Variants in CMYA5 observed in about 807,000 individuals in gnomAD.
The protein encoded by CMYA5 is cardiomyopathy associated 5, also known as cardiomyopathy-associated protein 5.
Under a neutral mutation model 318.9 loss-of-function variants are expected in CMYA5, and 246 were observed. The ratio of observed to expected loss-of-function variants is 0.77; its 90% CI spans 0.70 to 0.86. CMYA5 has a LOEUF of 0.86. Ranked by LOEUF, CMYA5 falls within the 40% of genes least tolerant of loss-of-function variation. The pLI is 0.00. For synonymous variants in CMYA5, 1,641 were observed against 1,729.5 expected, an observed-to-expected ratio of 0.95 and a Z score of 1.27; for missense variants, 4,589 against 4,678.2, an observed-to-expected ratio of 0.98 and a Z score of 0.56.
chr5:79,731,920 C>G lies in CMYA5; in HGVS notation c.3155C>G (p.Thr1052Arg). 1 of 1,613,040 alleles carries G rather than the reference C, an allele frequency of 6.2e-7. No homozygotes were observed. The highest frequency in any genetic ancestry group is 2.2e-5 in the East Asian group (1 of 44,862). The change falls in exon 2 of 13, where the codon ACA becomes AGA. Residue 1052 changes from threonine to arginine, a missense_variant. Physicochemically the swap from Thr to Arg is moderately conservative, Grantham distance 71 (BLOSUM62 -1). Around this residue, in one of 3 missense-constraint regions of CMYA5, gnomAD observed 2,132 missense variants for 2,131.3 expected, o/e 1.00. Transcript: ENST00000446378. ...GAAGACATTGGATCCACAGCTGCTA[C>G]ACCTGTATCTGAGCAGTTCAGTTCA... is the stretch of plus-strand genomic sequence containing the variant. The part of the protein sequence containing the change: ...DEEDIGSTAA[T>R]PVSEQFSSSQ...
At chr5:79,699,587 A>G (rs11948957) in intron 1 of CMYA5, among the ~76,000 whole-genome samples, 20,091 of 152,214 alleles carry the variant, frequency 0.13, 1,987 homozygotes, top group Admixed American at 0.26. Context: ...TGCCTAGAAG[A>G]GGAGAGGGCA....
At position 79,736,305 on chromosome 5, in the gene CMYA5, C is replaced by G; in HGVS notation, c.7540C>G (p.Pro2514Ala). ...GAAAGAATCAAAAGCCGATGCTATGCCACAGCACTTCTATCAAAATGAAGA... is the reference window on the plus strand; with the variant it reads ...GAAAGAATCAAAAGCCGATGCTATGGCACAGCACTTCTATCAAAATGAAGA... ...ELKESKADAM[P>A]QHFYQNEDYN... Residue 2514 changes from proline to alanine, a missense_variant, in exon 2 of 13, where the codon CCA becomes GCA. Transcript: ENST00000446378. The G allele has an allele frequency of 3.1e-6, 5 of 1,613,490 alleles. No homozygotes were observed. The highest frequency in any genetic ancestry group is 3.4e-6 in the Non-Finnish European group (4 of 1,179,714).
rs554318344 is a variant in CMYA5 at position 79,767,653 on chromosome 5, C to G, written c.11555+4444C>G. Among the ~76,000 whole-genome samples the G allele has an allele frequency of 3.3e-5, 5 of 152,298 alleles. No homozygotes were observed. The East Asian group carries it at 9.6e-4, about 29-fold the overall frequency. The stretch of plus-strand genomic sequence containing the variant: ...AATCCTGAGTTCTAATTTGAATGCA[C>G]TGTGGTCTGAGAGACTGTTTGTTAT... On this transcript the variant is annotated intron_variant, in intron 9 of 12. Transcript: ENST00000446378.
intron 5 of CMYA5, among the ~76,000 whole-genome samples, chr5:79,751,734 C>T (rs1312870020): frequency 6.6e-6 from 1 of 152,084 alleles, no homozygotes; most frequent in African/African-American, 2.4e-5. Context: ...TGCATATAAA[C>T]GGTATTCTGG....
chr5:79,768,028 A>G (rs259109), intron 9 of CMYA5, among the ~76,000 whole-genome samples: 35,582 of 151,898 alleles, frequency 0.23, 4,603 homozygotes, highest in African/African-American at 0.35. Flanking sequence ...TCTTCTTGTT[A>G]TGTTGATCCC....
chr5:79,745,028 C>A (rs545416183), intron 3 of CMYA5, among the ~76,000 whole-genome samples, 194 bp from the exon 4 acceptor site: 9 of 152,040 alleles, frequency 5.9e-5, no homozygotes, highest in East Asian at 1.9e-4. Context: ...ACAGTAAATT[C>A]TATTGCTTTA....
rs1308512174 is a variant in CMYA5, at chr5:79,732,495, C to G, written c.3730C>G (p.Pro1244Ala). The change falls in exon 2 of 13, where the codon CCT becomes GCT. Residue 1244 changes from proline (P) to alanine (A), a missense_variant. Pro to Ala is a conservative substitution (Grantham distance 27). Around this residue, in one of 3 missense-constraint regions of CMYA5, gnomAD observed 2,132 missense variants for 2,131.3 expected, o/e 1.00. Transcript: ENST00000446378. ...GTCTGAGATGAAATATTCAGTTTTG[C>G]CTGACATGGTAGATGAGCCAAAGAA... The part of the protein sequence containing the change: ...PESEMKYSVL[P>A]DMVDEPKKGV... The G allele has an allele frequency of 6.2e-7, 1 of 1,612,986 alleles. No homozygotes were observed. The highest frequency in any genetic ancestry group is 2.2e-5 in the East Asian group (1 of 44,850).
Position 79,689,973 on chromosome 5 carries a change from G to T in CMYA5, c.66G>T (p.Ala22=). 1 of 1,343,580 alleles carries T rather than the reference G, an allele frequency of 7.4e-7. No homozygotes were observed. Among genetic ancestry groups the T allele is most frequent in the Non-Finnish European group, 1.0e-6 (1 of 967,126 alleles). 83.2% of individuals were successfully genotyped at this position (1,343,580 alleles called of 1,614,324 possible). A position where few individuals can be genotyped will look rare whatever the true frequency, so the allele number is the denominator to read the frequency against. Residue 22 remains alanine, a synonymous_variant, in exon 1 of 13, where the codon GCG becomes GCT. Coordinates refer to ENST00000446378, the MANE Select transcript of CMYA5 (RefSeq NM_153610.5). ...SFLGSDGDEE[A]TRELETEEES... ...TCGGCTCCGACGGGGACGAGGAGGC[G>T]ACCCGGGAGCTGGAGACCGAGGAGG...
At chr5:79,726,473 C>G (rs1377341118) in intron 1 of CMYA5, among the ~76,000 whole-genome samples, 1 of 152,186 alleles carries the variant, frequency 6.6e-6, no homozygotes, top group East Asian at 1.9e-4. Context: ...GACCAAGATA[C>G]AGTATTAATT....
At chr5:79,777,075 T>C (rs1233322755) in intron 9 of CMYA5, among the ~76,000 whole-genome samples, 3 of 152,196 alleles carry the variant, frequency 2.0e-5, no homozygotes, top group Non-Finnish European at 4.4e-5. Flanking sequence ...AGAAGCTACT[T>C]TACAGGGTTC....
chr5:79,738,590 G>A lies in CMYA5; in HGVS notation c.9825G>A (p.Pro3275=), dbSNP rs1025088693. 1.1e-5 allele frequency: 17 copies of A among 1,613,578 alleles called. No homozygotes were observed. The highest frequency in any genetic ancestry group is 5.3e-5 in the African/African-American group (4 of 74,920). The stretch of plus-strand genomic sequence containing the variant: ...TTGGTAAGGATGATTCATACCAACC[G>A]ATAGCTGCAGAAGGGGAAATTTGGG... ...KRVGKDDSYQ[P]IAAEGEIWGK... The change falls in exon 2 of 13, where the codon CCG becomes CCA. Residue 3275 remains proline, a synonymous_variant. Coordinates refer to ENST00000446378, the MANE Select transcript of CMYA5 (RefSeq NM_153610.5).
chr5:79,772,078 C>T (rs995701394), intron 9 of CMYA5, among the ~76,000 whole-genome samples: 1 of 152,028 alleles, frequency 6.6e-6, no homozygotes, highest in Non-Finnish European at 1.5e-5. Flanking sequence ...TCCAGAAAAT[C>T]CTTTGCGAAA....
chr5:79,723,717 G>A (rs1317262678), intron 1 of CMYA5, among the ~76,000 whole-genome samples: 3 of 144,412 alleles, frequency 2.1e-5, no homozygotes, highest in Admixed American at 6.9e-5. Context: ...AGCTATGATC[G>A]TGCCACTGCA....
At chr5:79,761,504 G>T (rs947984161) in intron 7 of CMYA5, among the ~76,000 whole-genome samples, 26 of 152,180 alleles carry the variant, frequency 1.7e-4, no homozygotes, top group African/African-American at 6.0e-4. Context: ...TATACATTAT[G>T]TAATTTTAAT....
rs1828267555 is a variant in CMYA5, at chr5:79,743,882, C to G, written c.10694C>G (p.Ala3565Gly). ...CAAGAAAAGTCCTTGAGGATTGAAG[C>G]CTTTGTTAGTGAGATAGAATCCTTT... is the stretch of plus-strand genomic sequence containing the variant. The part of the protein sequence containing the change: ...NLQEKSLRIE[A>G]FVSEIESFFN... Residue 3565 changes from alanine (A) to glycine (G), a missense_variant, in exon 3 of 13, where the codon GCC (alanine) becomes GGC (glycine). This residue lies in a region of CMYA5 where 2,431 missense variants were observed against 2,495.1 expected (regional missense o/e 0.97). Coordinates refer to ENST00000446378, the MANE Select transcript of CMYA5 (RefSeq NM_153610.5). 2 of 1,547,754 alleles carry G rather than the reference C, an allele frequency of 1.3e-6. No homozygotes were observed. Among genetic ancestry groups the G allele is most frequent in the African/African-American group, 1.4e-5 (1 of 73,158 alleles).
At chr5:79,701,532 A>G (rs1827174915) in intron 1 of CMYA5, among the ~76,000 whole-genome samples, 1 of 152,218 alleles carries the variant, frequency 6.6e-6, no homozygotes, top group African/African-American at 2.4e-5. Context: ...CCACAATAAG[A>G]TACCACTTCA....
Position 79,729,862 on chromosome 5 carries a change from A to C in CMYA5, c.1097A>C (p.Gln366Pro), listed in dbSNP as rs1561205676. 1 of 1,612,678 alleles carries C rather than the reference A, an allele frequency of 6.2e-7. No homozygotes were observed. Among genetic ancestry groups the C allele is most frequent in the East Asian group, 2.2e-5 (1 of 44,834 alleles). Reference protein sequence around the residue: ...QLRHSQSVPQQPEDEAKPHEV... With the variant: ...QLRHSQSVPQPPEDEAKPHEV... ...AGGCATTCACAGTCAGTGCCACAAC[A>C]GCCAGAAGATGAAGCAAAACCACAT... The change falls in exon 2 of 13, where the codon CAG (glutamine) becomes CCG (proline). Residue 366 changes from glutamine (Q) to proline (P), a missense_variant. Coordinates refer to ENST00000446378, the MANE Select transcript of CMYA5 (RefSeq NM_153610.5).
Position 79,729,171 on chromosome 5 carries a change from CAT to C in CMYA5, c.408_409del (p.His136GlnfsTer21), listed in dbSNP as rs764073265. 3.0e-5 allele frequency: 49 copies of C among 1,612,750 alleles called. No homozygotes were observed. The South Asian group carries it at 5.2e-4, about 17-fold the overall frequency. On this transcript the variant is annotated frameshift_variant, in exon 2 of 13. Transcript: ENST00000446378. LOFTEE classifies it high-confidence loss of function. Reference sequence around the variant, plus strand: ...AGTGAAAAAGGTTCGGAAAAGGACTCATAAGTCAAAGCATGGTTCACCATCAT... The same window carrying C: ...AGTGAAAAAGGTTCGGAAAAGGACTCAAGTCAAAGCATGGTTCACCATCAT... Reference protein sequence around the residue: ...DEVKKVRKRTHKSKHGSPSLR... With the variant: ...DEVKKVRKRTXKSKHGSPSLR...
At chr5:79,721,146 A>C (rs1827617360) in intron 1 of CMYA5, among the ~76,000 whole-genome samples, 1 of 152,144 alleles carries the variant, frequency 6.6e-6, no homozygotes, top group Non-Finnish European at 1.5e-5. Context: ...AATAATAGTC[A>C]AGTAGAATGT....
Sources: gnomAD v4.1 joint callset for allele counts (sites outside exome capture counted in the v4.1 genomes callset) on GRCh38, gnomAD v4.1.1 for gene constraint, gnomAD v4.1.1 regional missense constraint, MANE v1.5 for transcripts, NCBI Gene and HGNC (gene_info 2026-07-23, HGNC 2026-07-21) for gene names.